The following AIG1 variants were observed in gnomAD, a reference collection of about 807,000 sequenced individuals.
The protein encoded by AIG1 is androgen-induced gene 1 protein.
In AIG1, 23 loss-of-function variants were observed where a neutral mutation model predicts 31.4. The observed-to-expected ratio is 0.73, with a 90% CI of 0.53 to 1.04. The LOEUF (loss-of-function observed/expected upper bound fraction) is 1.04. Among genes scored for constraint, AIG1 ranks in the 50% least tolerant of loss-of-function variants. AIG1 has a pLI of 0.00. For synonymous variants in AIG1, 100 were observed against 110.5 expected, an observed-to-expected ratio of 0.90 and a Z score of 0.60; for missense variants, 274 against 295.0, an observed-to-expected ratio of 0.93 and a Z score of 0.52.
intron 3 of AIG1, among the ~76,000 whole-genome samples, chr6:143,196,395 A>ACACC (rs1554256854): frequency 5.6e-4 from 77 of 136,852 alleles, no homozygotes; most frequent in Admixed American, 4.4e-3. Flanking sequence ...ACACACACAC[A>ACACC]CCCCAATTTG....
At chr6:143,322,953 C>CT (rs895458683) in intron 4 of AIG1, among the ~76,000 whole-genome samples, 5 of 151,934 alleles carry the variant, frequency 3.3e-5, no homozygotes, top group Admixed American at 6.5e-5. Context: ...GTTCTGTTTG[C>CT]TTTTTTTTAA....
At chr6:143,302,522 A>G (rs932505319) in intron 4 of AIG1, among the ~76,000 whole-genome samples, 40 of 151,884 alleles carry the variant, frequency 2.6e-4, no homozygotes, top group African/African-American at 6.1e-4. Flanking sequence ...ATGATTTCCA[A>G]TTTCATCCAT....
Position 143,136,975 on chromosome 6 carries a change from C to G in AIG1, c.282C>G (p.Ala94=). ...GGGACTGGATGTTAGCTGTGTTGGC[C>G]TTTCCTGTTGGGGTTGTGAGTATGA... ...SLRDWMLAVL[A]FPVGVFVVAV... is the part of the protein sequence containing the mutation. The change falls in exon 2 of 6, where the codon GCC becomes GCG. Residue 94 remains alanine (A), a synonymous_variant. Transcript: ENST00000357847. The G allele has an allele frequency of 6.9e-7, 1 of 1,444,654 alleles. No individual in the cohort carries two copies. The highest frequency in any genetic ancestry group is 9.3e-7 in the Non-Finnish European group (1 of 1,080,524). The allele number at this position is 1,444,654 out of a possible 1,614,324, so 89.5% of individuals were successfully genotyped here.
intron 3 of AIG1, among the ~76,000 whole-genome samples, chr6:143,221,022 C>T (rs1462471042): frequency 1.3e-5 from 2 of 151,718 alleles, no homozygotes; most frequent in African/African-American, 2.4e-5. Flanking sequence ...GTTGTTTAAC[C>T]GATTTGCAAA....
At chr6:143,156,962 AATGG>A (rs1785831286) in intron 2 of AIG1, among the ~76,000 whole-genome samples, 1 of 152,226 alleles carries the variant, frequency 6.6e-6, no homozygotes, top group Admixed American at 6.5e-5. Flanking sequence ...TGCACTGGCC[AATGG>A]ATGCCCTGAC....
At chr6:143,188,504 C>T (rs1789485595) in intron 3 of AIG1, 2 of 985,196 alleles carry the variant, frequency 2.0e-6, no homozygotes, top group Admixed American at 6.2e-5. Context: ...CTTCCTGTGA[C>T]CTGCCTACTA....
chr6:143,334,174 G>A lies in AIG1; in HGVS notation c.679+729G>A. 1 of 1,429,428 alleles carries A rather than the reference G, an allele frequency of 7.0e-7. No homozygotes were observed. Among genetic ancestry groups the A allele is most frequent in the South Asian group, 1.3e-5 (1 of 78,328 alleles). 88.5% of individuals were successfully genotyped at this position (1,429,428 alleles called of 1,614,324 possible). A position where few individuals can be genotyped will look rare whatever the true frequency, so the allele number is the denominator to read the frequency against. ...ACATAAAAATTGAAAGGTGGAAAAA[G>A]CGCCAGCACAGACATGTAGTGATTG... On this transcript the variant is annotated intron_variant, in intron 5 of 5. Transcript: ENST00000357847. The surrounding 1 kb of genome is among the most constrained non-coding windows in gnomAD (Gnocchi z 5.1).
rs146998768 is a variant in AIG1 at position 143,068,846 on chromosome 6, T to C, written c.141+7780T>C. On this transcript the variant is annotated intron_variant, in intron 1 of 5. Transcript: ENST00000357847. ...TAGTCAGATATCAGAAAAAATCATA[T>C]TCTTTAAAACTTATTTTAAAATTAC... 6.6e-3 allele frequency among the ~76,000 whole-genome samples: 1,007 copies of C among 152,268 alleles called. 10 individuals carry two copies. The highest frequency in any genetic ancestry group is 0.023 in the African/African-American group (939 of 41,540).
chr6:143,209,384 C>T (rs1416208760), intron 3 of AIG1, among the ~76,000 whole-genome samples: 1 of 152,104 alleles, frequency 6.6e-6, no homozygotes, highest in Non-Finnish European at 1.5e-5. Flanking sequence ...AGATGAGATG[C>T]AAATTGCTAA....
At chr6:143,273,384 G>A (rs372734302) in intron 3 of AIG1, among the ~76,000 whole-genome samples, 43 of 152,116 alleles carry the variant, frequency 2.8e-4, no homozygotes, top group South Asian at 6.2e-4. Flanking sequence ...TCACTTTTCC[G>A]TGCTCTTTAA....
intron 3 of AIG1, among the ~76,000 whole-genome samples, chr6:143,237,126 A>C (rs141056771): frequency 1.8e-4 from 28 of 152,274 alleles, no homozygotes; most frequent in African/African-American, 6.7e-4. Context: ...TGTATACTGC[A>C]CCCACTCCTT....
chr6:143,342,202 C>T (rs970300876), downstream of AIG1: 11 of 646,390 alleles, frequency 1.7e-5, no homozygotes, highest in African/African-American at 1.1e-4. Flanking sequence ...GGATTACAGG[C>T]GTGAGCCATT....
intron 1 of AIG1, among the ~76,000 whole-genome samples, chr6:143,066,710 GAAAC>G (rs201849752): frequency 0.01 from 1,564 of 152,252 alleles, 10 homozygotes; most frequent in Non-Finnish European, 0.017. Context: ...TTGCTATTGA[GAAAC>G]AAATTTAAAT....
intron 2 of AIG1, among the ~76,000 whole-genome samples, chr6:143,157,710 T>G (rs972962040): frequency 6.6e-6 from 1 of 152,160 alleles, no homozygotes; most frequent in Non-Finnish European, 1.5e-5. Flanking sequence ...TCATTCACCT[T>G]TATCCTCTTC....
At chr6:143,127,079 C>A (rs1782749394) in intron 1 of AIG1, among the ~76,000 whole-genome samples, 1 of 152,084 alleles carries the variant, frequency 6.6e-6, no homozygotes, top group South Asian at 2.1e-4. Flanking sequence ...ATAGACTATT[C>A]CTCTCTGGAT....
At position 143,331,361 on chromosome 6, in the gene AIG1, C is replaced by T. The variant is rs886513700; in HGVS notation, c.516-1921C>T. On this transcript the variant is annotated intron_variant, in intron 4 of 5. Transcript: ENST00000357847. The surrounding 1 kb of genome is among the most constrained non-coding windows in gnomAD (Gnocchi z 4.1). Reference sequence around the variant, plus strand: ...CGTTAAACAATAACTCCCTATTCTCCACTCCCCCGAGTCCCTGGTAACTGA... The same window carrying T: ...CGTTAAACAATAACTCCCTATTCTCTACTCCCCCGAGTCCCTGGTAACTGA... Among the ~76,000 whole-genome samples the T allele has an allele frequency of 2.0e-5, 3 of 152,098 alleles. No individual in the cohort carries two copies. The highest frequency in any genetic ancestry group is 4.4e-5 in the Non-Finnish European group (3 of 68,022).
In AIG1 at chr6:143,216,146, G is replaced by T. The variant is rs9386027; in HGVS notation, c.399+50963G>T. 3.1e-3 allele frequency among the ~76,000 whole-genome samples: 478 copies of T among 152,168 alleles called. 10 individuals are homozygous for T. The East Asian group carries it at 0.064, about 20-fold the overall frequency. On this transcript the variant is annotated intron_variant, in intron 3 of 5. Transcript: ENST00000357847. Reference sequence around the variant, plus strand: ...ACTTTTGATTTGAAGGAGAGAAACTGTCAAGACTCTTGTTTCATTTTAAAA... The same window carrying T: ...ACTTTTGATTTGAAGGAGAGAAACTTTCAAGACTCTTGTTTCATTTTAAAA...
At chr6:143,118,059 T>C (rs1172111853) in intron 1 of AIG1, among the ~76,000 whole-genome samples, 1 of 152,216 alleles carries the variant, frequency 6.6e-6, no homozygotes, top group East Asian at 1.9e-4. Context: ...TCTCGGCTTC[T>C]GATTTTGTTA....
intron 1 of AIG1, among the ~76,000 whole-genome samples, chr6:143,100,214 T>G (rs960810763): frequency 6.6e-6 from 1 of 152,228 alleles, no homozygotes; most frequent in Non-Finnish European, 1.5e-5. Context: ...TTCTACTCTA[T>G]TCTTACTGCC....
Sources: allele counts gnomAD v4.1 joint callset (sites outside exome capture counted in the v4.1 genomes callset), GRCh38; gene constraint gnomAD v4.1.1; non-coding constraint Gnocchi (gnomAD v3.1); transcripts MANE v1.5; gene names NCBI Gene and HGNC (gene_info 2026-07-23, HGNC 2026-07-21).